USH2A: variants seen among roughly 807,000 people sequenced by gnomAD.
USH2A encodes usherin, also known as Usher syndrome 2A (autosomal recessive, mild).
A neutral mutation model predicts 538.9 loss-of-function variants in USH2A; 443 were observed. That is an observed-to-expected ratio of 0.82 (90% confidence interval 0.76 to 0.89). USH2A has a LOEUF of 0.89. Ranked by LOEUF, USH2A falls within the 40% of genes least tolerant of loss-of-function variation. The probability of loss-of-function intolerance (pLI) is 0.00; values close to 1 mark genes in which losing one functional copy is unlikely to be tolerated. For missense variants in USH2A, 6,633 were observed against 6,324.8 expected (o/e 1.05, Z -1.65); for synonymous variants, 2,413 against 2,273.5 (o/e 1.06, Z -1.75).
chr1:215,672,466 AG>A (rs984910485), intron 63 of USH2A, among the ~76,000 whole-genome samples: 45 of 152,162 alleles, frequency 3.0e-4, no homozygotes, highest in Admixed American at 2.9e-3. Context: ...CCACCATGAC[AG>A]GGCTACCAGT....
Position 216,269,571 on chromosome 1 carries a change from T to A in USH2A, c.1972-18473A>T, listed in dbSNP as rs187690688. On this transcript the variant is annotated intron_variant, in intron 11 of 71. Coordinates refer to ENST00000307340, the MANE Select transcript of USH2A (RefSeq NM_206933.4). Reference sequence around the variant, plus strand: ...CACTCTGCTTATCATAAGCTACAAATATAATAATAGTAACAGGAAGAGTGC... The same window carrying A: ...CACTCTGCTTATCATAAGCTACAAAAATAATAATAGTAACAGGAAGAGTGC... 9.5e-4 allele frequency among the ~76,000 whole-genome samples: 144 copies of A among 152,190 alleles called. 1 individual carries two copies. The highest frequency in any genetic ancestry group is 3.4e-3 in the Middle Eastern group (1 of 294).
At chr1:215,689,024 G>A (rs543003415) in intron 61 of USH2A, among the ~76,000 whole-genome samples, 1 of 150,888 alleles carries the variant, frequency 6.6e-6, no homozygotes, top group South Asian at 2.1e-4. Context: ...ATGATGGATT[G>A]AATGTAGAAG....
chr1:215,690,395 C>T (rs1423799677), intron 61 of USH2A, among the ~76,000 whole-genome samples: 6 of 152,140 alleles, frequency 3.9e-5, no homozygotes, highest in Non-Finnish European at 7.4e-5. Flanking sequence ...CCAGCTATTC[C>T]CACAATTGCG....
At chr1:216,068,621 T>C (rs1384734774) in intron 30 of USH2A, among the ~76,000 whole-genome samples, 1 of 152,064 alleles carries the variant, frequency 6.6e-6, no homozygotes, top group Non-Finnish European at 1.5e-5. Context: ...CGATAAGCTA[T>C]CAGTAATATC....
chr1:216,155,543 T>C (rs1320761525), intron 21 of USH2A, among the ~76,000 whole-genome samples: 1 of 152,128 alleles, frequency 6.6e-6, no homozygotes, highest in Non-Finnish European at 1.5e-5. Context: ...TCCATGCTCT[T>C]ATGATTTCAT....
chr1:216,082,776 G>A (rs1303813052), intron 26 of USH2A, among the ~76,000 whole-genome samples: 2 of 152,072 alleles, frequency 1.3e-5, no homozygotes, highest in Non-Finnish European at 2.9e-5. Flanking sequence ...TCATTGGTAA[G>A]AGAAGAGAAA....
chr1:216,327,262 T>C (rs537837336), intron 5 of USH2A, among the ~76,000 whole-genome samples: 11 of 152,262 alleles, frequency 7.2e-5, no homozygotes, highest in African/African-American at 2.6e-4. Context: ...TGTAGAAGTT[T>C]CTCAAGTATT....
chr1:215,860,470 G>C (rs149645478), intron 44 of USH2A, among the ~76,000 whole-genome samples: 8 of 152,246 alleles, frequency 5.3e-5, no homozygotes, highest in East Asian at 1.9e-4. Context: ...TTAGGTTGGC[G>C]CAAAGTAGTT....
At chr1:216,176,723 C>T (rs374456615) in intron 20 of USH2A, among the ~76,000 whole-genome samples, 39 of 152,206 alleles carry the variant, frequency 2.6e-4, no homozygotes, top group African/African-American at 9.4e-4. Flanking sequence ...ATCTCTCCTT[C>T]CCCCCAACCC....
intron 61 of USH2A, among the ~76,000 whole-genome samples, chr1:215,712,995 T>C (rs1198385848): frequency 2.6e-5 from 4 of 152,032 alleles, no homozygotes; most frequent in African/African-American, 4.8e-5. Flanking sequence ...TTAGTAGAGA[T>C]GGGGTTTTGC....
chr1:215,774,015 C>T (rs892999134), intron 55 of USH2A, among the ~76,000 whole-genome samples: 2 of 152,278 alleles, frequency 1.3e-5, no homozygotes, highest in African/African-American at 4.8e-5. Flanking sequence ...TATCATTCTT[C>T]ACAATCTCAA....
At chr1:216,280,991 C>T (rs934133787) in intron 11 of USH2A, among the ~76,000 whole-genome samples, 13 of 152,164 alleles carry the variant, frequency 8.5e-5, no homozygotes, top group Non-Finnish European at 2.9e-5. Flanking sequence ...AATTCTGACA[C>T]TGTTGACAAC....
chr1:215,658,700 C>T (rs757614937), intron 64 of USH2A, among the ~76,000 whole-genome samples: 9 of 152,186 alleles, frequency 5.9e-5, no homozygotes, highest in South Asian at 4.1e-4. Context: ...TCACAAACAA[C>T]GTGACATCCA....
chr1:215,706,354 T>C (rs566635770), intron 61 of USH2A, among the ~76,000 whole-genome samples: 1 of 152,314 alleles, frequency 6.6e-6, no homozygotes, highest in African/African-American at 2.4e-5. Flanking sequence ...GCCTGCCTAC[T>C]GTTCTGCTTT....
At chr1:215,948,118 T>A (rs183305305) in intron 37 of USH2A, among the ~76,000 whole-genome samples, 4,873 of 152,114 alleles carry the variant, frequency 0.032, 122 homozygotes, top group South Asian at 0.084. Context: ...TGTATAACAA[T>A]CTCAAGATTT....
At chr1:216,235,622 C>T (rs535204702) in intron 13 of USH2A, among the ~76,000 whole-genome samples, 2 of 152,294 alleles carry the variant, frequency 1.3e-5, no homozygotes, top group South Asian at 4.1e-4. Flanking sequence ...GTATTATCTC[C>T]TGCAGCGGCT....
Position 215,845,896 on chromosome 1 carries a change from T to G in USH2A, c.8983A>C (p.Ile2995Leu). ...ACTCCATTGAAGACAGAGATAAAGA[T>G]CCAATACTCTGTGTTTGGCTTTAGG... ...GHLKPNTEYW[I>L]FISVFNGVHS... The change falls in exon 45 of 72, where the codon ATC becomes CTC. Residue 2995 changes from isoleucine (I) to leucine (L), a missense_variant. Ile to Leu is a conservative substitution (Grantham distance 5, BLOSUM62 2). Transcript: ENST00000307340. The G allele has an allele frequency of 6.2e-7, 1 of 1,613,904 alleles. No homozygotes were observed. Among genetic ancestry groups the G allele is most frequent in the Non-Finnish European group, 8.5e-7 (1 of 1,179,934 alleles).
intron 71 of USH2A, 36 bp downstream of exon 71, chr1:215,628,778 A>G: frequency 6.2e-7 from 1 of 1,608,742 alleles, no homozygotes; most frequent in Non-Finnish European, 8.5e-7. Flanking sequence ...TTTCTGGGAT[A>G]TTTAGCAAAG....
At chr1:216,157,060 G>C (rs1389929565) in intron 21 of USH2A, among the ~76,000 whole-genome samples, 1 of 152,018 alleles carries the variant, frequency 6.6e-6, no homozygotes, top group Non-Finnish European at 1.5e-5. Context: ...TTTTAGTAGA[G>C]ACAGGGTTTC....
Sources: allele counts gnomAD v4.1 joint callset (sites outside exome capture counted in the v4.1 genomes callset), GRCh38; gene constraint gnomAD v4.1.1; transcripts MANE v1.5; gene names NCBI Gene and HGNC (gene_info 2026-07-23, HGNC 2026-07-21).